ATP8B3: variants seen among roughly 807,000 people sequenced by gnomAD.
ATP8B3 encodes the protein phospholipid-transporting ATPase IK.
In ATP8B3, 141 loss-of-function variants were observed where a neutral mutation model predicts 140.9. That is an observed-to-expected ratio of 1.00 (90% CI 0.87 to 1.15). The LOEUF (loss-of-function observed/expected upper bound fraction) is 1.15. Among genes scored for constraint, ATP8B3 ranks in the 50% most tolerant of loss-of-function variants. The pLI is 0.00. For missense variants in ATP8B3, 1,874 were observed against 1,740.6 expected (o/e 1.08, Z -1.36); for synonymous variants, 765 against 714.6 (o/e 1.07, Z -1.13).
rs779564240 is a variant in ATP8B3 at position 1,805,493 on chromosome 19, T to G, written c.822-37A>C. ...GAGAGGAGGGAGGTGAAAGTGGAGTTGATGGATGCTTCGAGGAGCCCCCAG... is the reference window on the plus strand; with the variant it reads ...GAGAGGAGGGAGGTGAAAGTGGAGTGGATGGATGCTTCGAGGAGCCCCCAG... On this transcript the variant is annotated intron_variant, in intron 9 of 28. Coordinates refer to ENST00000310127, the MANE Select transcript of ATP8B3 (RefSeq NM_138813.4). This position sits in a 1 kb window ranked among gnomAD's most constrained non-coding sequence, Gnocchi z 5.2. 34 of 1,505,110 alleles carry G rather than the reference T, an allele frequency of 2.3e-5. No homozygotes were observed. Among genetic ancestry groups the G allele is most frequent in the Non-Finnish European group, 3.1e-5 (34 of 1,104,362 alleles). 93.2% of individuals were successfully genotyped at this position (1,505,110 alleles called of 1,614,324 possible). A position where few individuals can be genotyped will look rare whatever the true frequency, so the allele number is the denominator to read the frequency against.
chr19:1,787,229 G>A (rs2068334564), intron 24 of ATP8B3, 43 bp from the exon 25 acceptor site: 4 of 1,533,002 alleles, frequency 2.6e-6, no homozygotes, highest in Non-Finnish European at 2.7e-6. Context: ...TCAGCCTCCA[G>A]GCACCCAAGG....
chr19:1,797,266 C>A (rs904080165), intron 14 of ATP8B3, among the ~76,000 whole-genome samples: 1 of 151,466 alleles, frequency 6.6e-6, no homozygotes, highest in East Asian at 2.0e-4. Flanking sequence ...GAGCCGGATG[C>A]GGCCCCGTCC....
chr19:1,795,049 G>A (rs1463548829), intron 18 of ATP8B3, among the ~76,000 whole-genome samples: 2 of 152,168 alleles, frequency 1.3e-5, no homozygotes, highest in Non-Finnish European at 2.9e-5. Flanking sequence ...CTGAGGTCAC[G>A]AGTTGGAGAC....
Position 1,794,916 on chromosome 19 carries a change from G to A in ATP8B3, c.2055+959C>T, listed in dbSNP as rs1182397982. The stretch of plus-strand genomic sequence containing the variant: ...GAGCAGACGGAGCTGAGTGTGTCCT[G>A]GCAGCTGGGCCAGCTCAACCGCACG... On this transcript the variant is annotated intron_variant, in intron 18 of 28. Coordinates refer to ENST00000310127, the MANE Select transcript of ATP8B3 (RefSeq NM_138813.4). This position sits in a 1 kb window ranked among gnomAD's most constrained non-coding sequence, Gnocchi z 4.8. Among the ~76,000 whole-genome samples the A allele has an allele frequency of 6.6e-6, 1 of 152,178 alleles. No homozygotes were observed. Among genetic ancestry groups the A allele is most frequent in the Non-Finnish European group, 1.5e-5 (1 of 68,024 alleles).
At chr19:1,801,201 G>T (rs899396596) in intron 12 of ATP8B3, among the ~76,000 whole-genome samples, 1 of 151,386 alleles carries the variant, frequency 6.6e-6, no homozygotes, top group African/African-American at 2.4e-5. Context: ...GTCCAGGCTG[G>T]AGTGCAGTGG....
rs2068444545 is a variant in ATP8B3 at position 1,790,053 on chromosome 19, C to T, written c.2379-64G>A. 6 of 1,271,944 alleles carry T rather than the reference C, an allele frequency of 4.7e-6. No individual in the cohort carries two copies. The South Asian group carries it at 7.2e-5, about 15-fold the overall frequency. 78.8% of individuals were successfully genotyped at this position (1,271,944 alleles called of 1,614,324 possible). On this transcript the variant is annotated intron_variant, in intron 21 of 28. Transcript: ENST00000310127. ...GGGCTTCTCCCCACTTCCCCGGGGG[C>T]TCCACTGCCCCTCCCACCCCTTCCA...
Position 1,790,799 on chromosome 19 carries a change from AG to A in ATP8B3, c.2335del (p.Leu779CysfsTer29). On this transcript the variant is annotated frameshift_variant, in exon 21 of 29. Coordinates refer to ENST00000310127, the MANE Select transcript of ATP8B3 (RefSeq NM_138813.4). LOFTEE classifies it high-confidence loss of function. ...CAGAATGAGCATATTCTCTGACAGC[AG>A]CTCGCAGGCGAAGCCGATGTTCACA... The part of the protein sequence containing the change: ...TAVNIGFACE[L>X]LSENMLILEE... 6.2e-7 allele frequency: 1 copy of A among 1,605,482 alleles called. No homozygotes were observed. Among genetic ancestry groups the A allele is most frequent in the Non-Finnish European group, 8.5e-7 (1 of 1,177,324 alleles).
intron 18 of ATP8B3, 76 bp from the exon 19 acceptor site, chr19:1,792,211 C>A (rs117609099): frequency 0.015 from 21,824 of 1,448,852 alleles, 229 homozygotes; most frequent in African/African-American, 0.044. Flanking sequence ...AACCCCCTGC[C>A]GGGCTCCGGA....
Position 1,783,147 on chromosome 19 carries a change from T to G in ATP8B3, c.3784A>C (p.Asn1262His), listed in dbSNP as rs16994559. The change falls in exon 29 of 29, where the codon AAC (asparagine) becomes CAC (histidine). Residue 1262 changes from asparagine (N) to histidine (H), a missense_variant. This residue lies in a region of ATP8B3 where 840 missense variants were observed against 760.9 expected (regional missense o/e 1.10). Transcript: ENST00000310127. The stretch of plus-strand genomic sequence containing the variant: ...AGAATTGTGCCCTGAGTGATGAGGT[T>G]TGCATATCCCTCACGGTGGGAGAAA... ...YAFSHREGYA[N>H]LITQGTILRR... The G allele has an allele frequency of 0.054, 86,997 of 1,613,404 alleles. 3,473 individuals carry two copies. The highest frequency in any genetic ancestry group is 0.19 in the African/African-American group (14,350 of 74,826).
At chr19:1,801,920 G>C (rs2068855528) in intron 12 of ATP8B3, 36 bp downstream of exon 12, 1 of 1,516,180 alleles carries the variant, frequency 6.6e-7, no homozygotes, top group African/African-American at 1.4e-5. Flanking sequence ...GCACTCCTCT[G>C]TGTTCCTGGG....
chr19:1,800,607 G>A lies in ATP8B3; in HGVS notation c.1153-158C>T, dbSNP rs901054533. 2.6e-5 allele frequency among the ~76,000 whole-genome samples: 4 copies of A among 152,102 alleles called. No homozygotes were observed. Among genetic ancestry groups the A allele is most frequent in the African/African-American group, 9.7e-5 (4 of 41,424 alleles). On this transcript the variant is annotated intron_variant, in intron 12 of 28. Transcript: ENST00000310127. The surrounding 1 kb of genome is among the most constrained non-coding windows in gnomAD (Gnocchi z 4.4). ...GGCTAAGGCAGGCGGATGGCTTGAC[G>A]TCAGGAGTTCAAGACCAGCCTGGGC...
In ATP8B3 at chr19:1,784,913, A is replaced by C; in HGVS notation, c.3566T>G (p.Ile1189Ser). 3.7e-6 allele frequency: 6 copies of C among 1,612,862 alleles called. No homozygotes were observed. Among genetic ancestry groups the C allele is most frequent in the Non-Finnish European group, 5.1e-6 (6 of 1,179,488 alleles). ...CACACTCAGCAGGACCACCAGCAGG[A>C]TGGAGGGAGAGGACATCACGCTGAG... The part of the protein sequence containing the change: ...ADLSVMSSPS[I>S]LLVVLLSVSI... The change falls in exon 28 of 29, where the codon ATC (isoleucine) becomes AGC (serine). Residue 1189 changes from isoleucine to serine, a missense_variant. Ile to Ser is a moderately radical substitution (Grantham distance 142, BLOSUM62 -2). Coordinates refer to ENST00000310127, the MANE Select transcript of ATP8B3 (RefSeq NM_138813.4).
In ATP8B3 at chr19:1,811,876, G is replaced by A. The variant is rs998597200; in HGVS notation, c.-140C>T. 3 of 950,462 alleles carry A rather than the reference G, an allele frequency of 3.2e-6. No homozygotes were observed. Among genetic ancestry groups the A allele is most frequent in the Non-Finnish European group, 4.5e-6 (3 of 661,974 alleles). 58.9% of individuals were successfully genotyped at this position (950,462 alleles called of 1,614,324 possible). On this transcript the variant is annotated 5_prime_UTR_variant, in exon 2 of 29. Transcript: ENST00000310127. ...ATGCTCAAATGGCCAGAATCCACTC[G>A]AAGTGTATCTGGGGGCAGAAAGAGA... is the stretch of plus-strand genomic sequence containing the variant.
chr19:1,791,284 C>T (rs894661176), intron 20 of ATP8B3, among the ~76,000 whole-genome samples: 1 of 151,970 alleles, frequency 6.6e-6, no homozygotes, highest in East Asian at 1.9e-4. Flanking sequence ...AATCACGGCT[C>T]ACTGCAGCCT....
At chr19:1,796,506 C>A (rs571202742) in intron 16 of ATP8B3, among the ~76,000 whole-genome samples, 2 of 152,350 alleles carry the variant, frequency 1.3e-5, no homozygotes, top group South Asian at 2.1e-4. Flanking sequence ...GATGACACGT[C>A]CGCCCTCCCG....
intron 12 of ATP8B3, among the ~76,000 whole-genome samples, 148 bp downstream of exon 12, chr19:1,801,803 ATTACT>A (rs2068852764): frequency 6.6e-6 from 1 of 152,072 alleles, no homozygotes; most frequent in African/African-American, 2.4e-5. Flanking sequence ...TTTTTAAAAA[ATTACT>A]TTAATGAAAA....
At chr19:1,797,839 C>G (rs1445710551) in intron 14 of ATP8B3, among the ~76,000 whole-genome samples, 1 of 152,074 alleles carries the variant, frequency 6.6e-6, no homozygotes, top group African/African-American at 2.4e-5. Flanking sequence ...GGGTCCTACT[C>G]TGTGGCCCAG....
intron 20 of ATP8B3, among the ~76,000 whole-genome samples, chr19:1,791,174 C>G (rs896596668): frequency 3.9e-5 from 6 of 152,112 alleles, no homozygotes; most frequent in African/African-American, 1.4e-4. Context: ...GAATATGTTT[C>G]CCTGGGCTGG....
At position 1,789,718 on chromosome 19, in the gene ATP8B3, G is replaced by A. The variant is rs763138889; in HGVS notation, c.2488C>T (p.Leu830=). The A allele has an allele frequency of 6.4e-7, 1 of 1,573,490 alleles. No individual in the cohort carries two copies. The change falls in exon 23 of 29, where the codon CTG becomes TTG. Residue 830 remains leucine (L), a synonymous_variant. Coordinates refer to ENST00000310127, the MANE Select transcript of ATP8B3 (RefSeq NM_138813.4). The part of the protein sequence containing the change: ...VINGDFLDKL[L]VSLRKEPRAL... ...CGCGGCTCCTTCCGCAGGGACACCA[G>A]CAGTTTGTCCTGGCCGGCGGGGAGG... is the stretch of plus-strand genomic sequence containing the variant.
Sources: gnomAD v4.1 joint callset for allele counts (sites outside exome capture counted in the v4.1 genomes callset) on GRCh38, gnomAD v4.1.1 for gene constraint, gnomAD v4.1.1 regional missense constraint, Gnocchi (gnomAD v3.1) non-coding constraint, MANE v1.5 for transcripts, NCBI Gene and HGNC (gene_info 2026-07-23, HGNC 2026-07-21) for gene names.